Variants in SEC61A2 observed in about 807,000 individuals in gnomAD.
SEC61A2 encodes the protein SEC61 translocon subunit alpha 2, also known as protein transport protein Sec61 subunit alpha isoform 2.
In SEC61A2, 28 loss-of-function variants were observed where a neutral mutation model predicts 59.9. The ratio of observed to expected loss-of-function variants is 0.47; its 90% CI spans 0.35 to 0.64. SEC61A2 has a LOEUF of 0.64. Ranked by LOEUF, SEC61A2 falls within the 30% of genes least tolerant of loss-of-function variation. The pLI, the probability that SEC61A2 is intolerant of heterozygous loss-of-function variation, is 0.01. For synonymous variants in SEC61A2, 202 were observed against 214.4 expected (o/e 0.94, Z 0.50); for missense variants, 340 against 585.9 (o/e 0.58, Z 4.33).
At chr10:12,131,343 G>A (rs1043919403) in intron 1 of SEC61A2, among the ~76,000 whole-genome samples, 50 of 152,252 alleles carry the variant, frequency 3.3e-4, no homozygotes, top group African/African-American at 1.0e-3. Flanking sequence ...AAGAAAAGCC[G>A]CAGAGCCTAA....
downstream of SEC61A2, among the ~76,000 whole-genome samples, chr10:12,169,092 C>G (rs1001696975): frequency 3.3e-5 from 5 of 152,156 alleles, no homozygotes; most frequent in African/African-American, 4.8e-5. The surrounding 1 kb of genome is among the most constrained non-coding windows in gnomAD (Gnocchi z 4.8). Flanking sequence ...GTAATACTTT[C>G]CTTCCGACTT....
downstream of SEC61A2, chr10:12,168,027 A>T (rs1167902632): frequency 8.1e-6 from 5 of 615,702 alleles, no homozygotes; most frequent in Non-Finnish European, 1.1e-5. This position sits in a 1 kb window ranked among gnomAD's most constrained non-coding sequence, Gnocchi z 4.8. Flanking sequence ...AGGGATAATG[A>T]TTTTTTTTTT....
In SEC61A2 at chr10:12,143,031, C is replaced by T; in HGVS notation, c.142-86C>T. ...GCAGTGGCGTGATCTCAGCTCACTGCAGCCTTTGCCTCCTGGGTTCAAGCG... is the reference window on the plus strand; with the variant it reads ...GCAGTGGCGTGATCTCAGCTCACTGTAGCCTTTGCCTCCTGGGTTCAAGCG... On this transcript the variant is annotated intron_variant, in intron 3 of 11. Coordinates refer to ENST00000298428, the MANE Select transcript of SEC61A2 (RefSeq NM_018144.4). The surrounding 1 kb of genome is among the most constrained non-coding windows in gnomAD (Gnocchi z 4.8). 2 of 985,332 alleles carry T rather than the reference C, an allele frequency of 2.0e-6. No homozygotes were observed. Among genetic ancestry groups the T allele is most frequent in the Non-Finnish European group, 3.3e-6 (2 of 615,212 alleles). The allele number at this position is 985,332 out of a possible 1,614,324, so 61.0% of individuals were successfully genotyped here.
chr10:12,131,313 G>A (rs1004778863), intron 1 of SEC61A2, among the ~76,000 whole-genome samples: 1 of 152,180 alleles, frequency 6.6e-6, no homozygotes, highest in African/African-American at 2.4e-5. Flanking sequence ...TTGGTATATA[G>A]AATCCAGTGT....
chr10:12,151,274 A>G (rs1185638784), intron 6 of SEC61A2, among the ~76,000 whole-genome samples: 2 of 148,404 alleles, frequency 1.3e-5, no homozygotes, highest in Admixed American at 1.3e-4. Flanking sequence ...TCTTCACTTT[A>G]TGAAATTGGG....
In SEC61A2 at chr10:12,129,725, C is replaced by T. The variant is rs551341654; in HGVS notation, c.-63C>T. 9.1e-5 allele frequency: 133 copies of T among 1,465,132 alleles called. No individual in the cohort carries two copies. The highest frequency in any genetic ancestry group is 1.1e-4 in the Non-Finnish European group (127 of 1,106,464). The allele number at this position is 1,465,132 out of a possible 1,614,324, so 90.8% of individuals were successfully genotyped here. On this transcript the variant is annotated 5_prime_UTR_variant, in exon 1 of 12. Coordinates refer to ENST00000298428, the MANE Select transcript of SEC61A2 (RefSeq NM_018144.4). This position sits in a 1 kb window ranked among gnomAD's most constrained non-coding sequence, Gnocchi z 5.6. Reference sequence around the variant, plus strand: ...GGAGCCGGTACCGAGGCCCGAGCCGCGGGAGTCGAGCGAAGGCAGCGCCGA... The same window carrying T: ...GGAGCCGGTACCGAGGCCCGAGCCGTGGGAGTCGAGCGAAGGCAGCGCCGA...
In SEC61A2 at chr10:12,129,907, C is replaced by T; in HGVS notation, c.7+113C>T. On this transcript the variant is annotated intron_variant, in intron 1 of 11. Coordinates refer to ENST00000298428, the MANE Select transcript of SEC61A2 (RefSeq NM_018144.4). This position sits in a 1 kb window ranked among gnomAD's most constrained non-coding sequence, Gnocchi z 5.6. ...GTCGTGGGGGCCAGGGATGCGCGGG[C>T]CGCTCCGGGCCTCAGCGGAGGGCAC... 1.0e-6 allele frequency: 1 copy of T among 978,486 alleles called. No homozygotes were observed. Among genetic ancestry groups the T allele is most frequent in the East Asian group, 3.4e-5 (1 of 29,512 alleles). The allele number at this position is 978,486 out of a possible 1,614,324, so 60.6% of individuals were successfully genotyped here.
At chr10:12,165,907 G>A (rs534490697), downstream of SEC61A2, 38 of 152,244 alleles carry the variant, frequency 2.5e-4, no homozygotes, top group African/African-American at 8.7e-4. Flanking sequence ...GTGTTATGAC[G>A]TCCGATTTTT....
At position 12,137,822 on chromosome 10, in the gene SEC61A2, A is replaced by G. The variant is rs568129418; in HGVS notation, c.141+1652A>G. Among the ~76,000 whole-genome samples, 4 of 152,230 alleles carry G rather than the reference A, an allele frequency of 2.6e-5. No homozygotes were observed. The East Asian group carries it at 5.8e-4, about 22-fold the overall frequency. ...AGGAGTTGAGACCAGTCTGGTCAAC[A>G]TGGTGAAACTCCGTCTCTACTAAAA... On this transcript the variant is annotated intron_variant, in intron 3 of 11. Transcript: ENST00000298428.
At chr10:12,151,624 G>C (rs961477018) in intron 6 of SEC61A2, among the ~76,000 whole-genome samples, 1 of 151,636 alleles carries the variant, frequency 6.6e-6, no homozygotes, top group African/African-American at 2.4e-5. Context: ...ATTTTTTTCT[G>C]TCTGTTCAAA....
chr10:12,166,949 C>T (rs1036508049), downstream of SEC61A2: 42 of 250,158 alleles, frequency 1.7e-4, no homozygotes, highest in Admixed American at 1.6e-3. Context: ...GATATTACTG[C>T]CCCAAACATG....
rs900272270 is a variant in SEC61A2, at chr10:12,142,634, A to G, written c.142-483A>G. 2 of 397,884 alleles carry G rather than the reference A, an allele frequency of 5.0e-6. No homozygotes were observed. The highest frequency in any genetic ancestry group is 4.4e-5 in the African/African-American group (2 of 45,864). 24.6% of individuals were successfully genotyped at this position (397,884 alleles called of 1,614,324 possible). A position where few individuals can be genotyped will look rare whatever the true frequency, so the allele number is the denominator to read the frequency against. On this transcript the variant is annotated intron_variant, in intron 3 of 11. Coordinates refer to ENST00000298428, the MANE Select transcript of SEC61A2 (RefSeq NM_018144.4). The surrounding 1 kb of genome is among the most constrained non-coding windows in gnomAD (Gnocchi z 5.4). ...GTGGTAAAAGTATAGAAAATATGCCATCTTCATCATTTTTAGATGTGCAGT... is the reference window on the plus strand; with the variant it reads ...GTGGTAAAAGTATAGAAAATATGCCGTCTTCATCATTTTTAGATGTGCAGT...
Position 12,155,835 on chromosome 10 carries a change from G to A in SEC61A2, c.520G>A (p.Gly174Ser). The A allele has an allele frequency of 6.2e-7, 1 of 1,614,176 alleles. No homozygotes were observed. Among genetic ancestry groups the A allele is most frequent in the East Asian group, 2.2e-5 (1 of 44,886 alleles). Residue 174 changes from glycine (G) to serine (S), a missense_variant, in exon 7 of 12, where the codon GGC (glycine) becomes AGC (serine). This residue lies in a region of SEC61A2 where 283 missense variants were observed against 483.2 expected (regional missense o/e 0.59). Coordinates refer to ENST00000298428, the MANE Select transcript of SEC61A2 (RefSeq NM_018144.4). This position sits in a 1 kb window ranked among gnomAD's most constrained non-coding sequence, Gnocchi z 4.3. ...AGATGAGCTGCTACAGAAGGGTTAC[G>A]GCTTGGGGTCTGGGATTTCCCTCTT... ...LLDELLQKGYGLGSGISLFIA... is the reference protein window; with the variant it reads ...LLDELLQKGYSLGSGISLFIA...
At chr10:12,167,599 A>C (rs1834734354), downstream of SEC61A2, 1 of 1,154,092 alleles carries the variant, frequency 8.7e-7, no homozygotes, top group South Asian at 1.4e-5. Context: ...TATTTTACGA[A>C]AAAGCTAATG....
rs758619176 is a variant in SEC61A2, at chr10:12,156,898, A to T, written c.617-9A>T. The T allele has an allele frequency of 6.2e-7, 1 of 1,612,936 alleles. No homozygotes were observed. Among genetic ancestry groups the T allele is most frequent in the Non-Finnish European group, 8.5e-7 (1 of 1,179,662 alleles). On this transcript the variant is annotated splice_polypyrimidine_tract_variant and intron_variant, in intron 7 of 11. Coordinates refer to ENST00000298428, the MANE Select transcript of SEC61A2 (RefSeq NM_018144.4). This position sits in a 1 kb window ranked among gnomAD's most constrained non-coding sequence, Gnocchi z 5.2. ...GAGTCCACAGGTCGTGTCTGTCTTG[A>T]TTTTACAGGTACTGAGTTTGAGGGT...
intron 3 of SEC61A2, among the ~76,000 whole-genome samples, chr10:12,136,642 T>A (rs1316654933): frequency 6.6e-6 from 1 of 152,140 alleles, no homozygotes; most frequent in Non-Finnish European, 1.5e-5. Flanking sequence ...TTTTATTTTA[T>A]TTTTTGAGAT....
In SEC61A2 at chr10:12,163,312, CTTTTTTTTT is replaced by C. The variant is rs3060465; in HGVS notation, c.1245-938_1245-930del. On this transcript the variant is annotated intron_variant, in intron 11 of 11. Coordinates refer to ENST00000298428, the MANE Select transcript of SEC61A2 (RefSeq NM_018144.4). Reference sequence around the variant, plus strand: ...GGTGTGTGCCACCACGGCCAGCTAGCTTTTTTTTTTTTTTTTTTTTTTTTTTATCTGAGA... The same window carrying C: ...GGTGTGTGCCACCACGGCCAGCTAGCTTTTTTTTTTTTTTTTTATCTGAGA... Among the ~76,000 whole-genome samples, 14 of 68,584 alleles carry C rather than the reference CTTTTTTTTT, an allele frequency of 2.0e-4. 1 individual carries two copies. Among genetic ancestry groups the C allele is most frequent in the African/African-American group, 8.9e-4 (14 of 15,814 alleles). The allele number at this position is 68,584 out of a possible 152,430, so 45.0% of individuals were successfully genotyped here.
At chr10:12,134,950 G>T (rs1833852270) in intron 2 of SEC61A2, among the ~76,000 whole-genome samples, 1 of 151,866 alleles carries the variant, frequency 6.6e-6, no homozygotes. Context: ...AGTCTACCTA[G>T]GATAGTACTT....
In SEC61A2 at chr10:12,143,155, TC is replaced by T; in HGVS notation, c.182del (p.Pro61LeufsTer5). 1 of 1,613,536 alleles carries T rather than the reference TC, an allele frequency of 6.2e-7. No individual in the cohort carries two copies. Among genetic ancestry groups the T allele is most frequent in the Non-Finnish European group, 8.5e-7 (1 of 1,179,448 alleles). ...FGIMSSDSAD[P>X]FYWMRVILAS... ...GAATCATGTCATCAGATTCTGCAGA[TC>T]CTTTCTACTGGATGAGAGTTATTCT... On this transcript the variant is annotated frameshift_variant, in exon 4 of 12. Transcript: ENST00000298428. LOFTEE classifies it high-confidence loss of function. This position sits in a 1 kb window ranked among gnomAD's most constrained non-coding sequence, Gnocchi z 4.8.
Sources: gnomAD v4.1 joint callset for allele counts (sites outside exome capture counted in the v4.1 genomes callset) on GRCh38, gnomAD v4.1.1 for gene constraint, gnomAD v4.1.1 regional missense constraint, Gnocchi (gnomAD v3.1) non-coding constraint, MANE v1.5 for transcripts, NCBI Gene and HGNC (gene_info 2026-07-23, HGNC 2026-07-21) for gene names.